The following PXDNL variants were observed in gnomAD, a reference collection of about 807,000 sequenced individuals.
The protein encoded by PXDNL is peroxidasin like, also known as probable oxidoreductase PXDNL.
Under a neutral mutation model 150.8 loss-of-function variants are expected in PXDNL, and 145 were observed. The ratio of observed to expected loss-of-function variants is 0.96; its 90% CI spans 0.84 to 1.10. The LOEUF is 1.10. PXDNL is among the 50% of genes least tolerant of loss of function. PXDNL has a pLI of 0.00. For missense variants in PXDNL, 2,087 were observed against 1,873.9 expected (o/e 1.11, Z -2.10); for synonymous variants, 757 against 725.7 (o/e 1.04, Z -0.69).
intron 1 of PXDNL, among the ~76,000 whole-genome samples, chr8:51,711,162 A>C (rs1477917379): frequency 1.3e-5 from 2 of 150,336 alleles, no homozygotes; most frequent in Non-Finnish European, 2.9e-5. Flanking sequence ...TATTTTTGAG[A>C]TAGAGTCTTG....
rs916326827 is a variant in PXDNL at position 51,444,114 on chromosome 8, T to TC, written c.1525+2889dup. Among the ~76,000 whole-genome samples, 108 of 152,300 alleles carry TC rather than the reference T, an allele frequency of 7.1e-4. 1 individual carries two copies. Among genetic ancestry groups the TC allele is most frequent in the African/African-American group, 2.4e-3 (100 of 41,572 alleles). ...AATAAAAGTAATATTTCCCCCTGTT[T>TC]CATCAATAACAGCATCAAGTAAAAT... On this transcript the variant is annotated intron_variant, in intron 12 of 22. Coordinates refer to ENST00000356297, the MANE Select transcript of PXDNL (RefSeq NM_144651.5).
chr8:51,398,232 G>A (rs1185533578), intron 17 of PXDNL, among the ~76,000 whole-genome samples: 1 of 152,206 alleles, frequency 6.6e-6, no homozygotes, highest in South Asian at 2.1e-4. Context: ...ACACTGCACA[G>A]GGCACTAGAA....
At chr8:51,476,858 TGGA>T (rs1810490326) in intron 6 of PXDNL, among the ~76,000 whole-genome samples, 1 of 152,186 alleles carries the variant, frequency 6.6e-6, no homozygotes, top group Non-Finnish European at 1.5e-5. Flanking sequence ...CCAATGTGAC[TGGA>T]GGAGAATACA....
Position 51,326,264 on chromosome 8 carries a change from G to A in PXDNL, c.4147-5367C>T, listed in dbSNP as rs916022798. On this transcript the variant is annotated intron_variant, in intron 21 of 22. Transcript: ENST00000356297. ...TGTAGTCCCAGCACTTTGGGAGGCT[G>A]AGGCAGGTGGATCACTTGAGGTCAG... Among the ~76,000 whole-genome samples the A allele has an allele frequency of 4.6e-5, 7 of 152,288 alleles. No individual in the cohort carries two copies. The East Asian group carries it at 1.4e-3, about 29-fold the overall frequency.
intron 1 of PXDNL, among the ~76,000 whole-genome samples, chr8:51,744,416 C>T (rs2036951650): frequency 6.7e-6 from 1 of 150,160 alleles, no homozygotes; most frequent in Admixed American, 6.6e-5. Context: ...ACCTGTAACC[C>T]CAACACTTTG....
chr8:51,344,854 T>G (rs1806095854), intron 20 of PXDNL, among the ~76,000 whole-genome samples: 1 of 152,176 alleles, frequency 6.6e-6, no homozygotes, highest in Non-Finnish European at 1.5e-5. Context: ...ATTTGGAAAT[T>G]TTATATAACA....
At chr8:51,740,748 G>C (rs1485276273) in intron 1 of PXDNL, among the ~76,000 whole-genome samples, 1 of 151,756 alleles carries the variant, frequency 6.6e-6, no homozygotes. Flanking sequence ...AGATGGATAT[G>C]TGATGAATTA....
intron 1 of PXDNL, among the ~76,000 whole-genome samples, chr8:51,771,849 A>G (rs1047003575): frequency 6.6e-6 from 1 of 151,960 alleles, no homozygotes; most frequent in African/African-American, 2.4e-5. Context: ...TTGATTCCAC[A>G]CCTCAGCTAC....
chr8:51,377,424 A>T (rs1807359460), intron 17 of PXDNL, among the ~76,000 whole-genome samples: 1 of 152,152 alleles, frequency 6.6e-6, no homozygotes, highest in South Asian at 2.1e-4. Flanking sequence ...GCCGTGCTTG[A>T]GGGGCCTTTC....
At chr8:51,518,007 A>G (rs1441717108) in intron 4 of PXDNL, among the ~76,000 whole-genome samples, 1 of 152,224 alleles carries the variant, frequency 6.6e-6, no homozygotes, top group Non-Finnish European at 1.5e-5. Flanking sequence ...TTATCTTCAT[A>G]TAATAGCAAG....
rs571653350 is a variant in PXDNL, at chr8:51,408,203, T to C, written c.3421A>G (p.Ile1141Val). The C allele has an allele frequency of 1.2e-5, 20 of 1,614,020 alleles. No homozygotes were observed. The highest frequency in any genetic ancestry group is 6.6e-5 in the South Asian group (6 of 91,086). The part of the protein sequence containing the change: ...YSAAVDSAAT[I>V]IQRGRDHGIP... ...CCGTGGTCTCTACCCCTTTGAATGA[T>C]GGTGGCAGCCGAATCCACGGCCGCA... The change falls in exon 17 of 23, where the codon ATC becomes GTC. Residue 1141 changes from isoleucine to valine, a missense_variant. Ile to Val is a conservative substitution (Grantham distance 29). Coordinates refer to ENST00000356297, the MANE Select transcript of PXDNL (RefSeq NM_144651.5).
At chr8:51,326,035 C>A (rs945850051) in intron 21 of PXDNL, among the ~76,000 whole-genome samples, 3 of 152,132 alleles carry the variant, frequency 2.0e-5, no homozygotes, top group Non-Finnish European at 4.4e-5. Context: ...TTGCTGGCTT[C>A]TTCAGTTTCA....
rs945127972 is a variant in PXDNL at position 51,588,270 on chromosome 8, C to G, written c.308+4357G>C. Among the ~76,000 whole-genome samples the G allele has an allele frequency of 5.3e-5, 8 of 152,320 alleles. No individual in the cohort carries two copies. The South Asian group carries it at 8.3e-4, about 16-fold the overall frequency. ...AATGGGTCTTCTAACTCACAACCCT[C>G]TTTCTCTACAAAATTCCCTGGTTTG... On this transcript the variant is annotated intron_variant, in intron 3 of 22. Transcript: ENST00000356297.
At chr8:51,797,352 G>A (rs980479358) in intron 1 of PXDNL, among the ~76,000 whole-genome samples, 2 of 152,214 alleles carry the variant, frequency 1.3e-5, no homozygotes, top group South Asian at 2.1e-4. Flanking sequence ...AGAAATAAAG[G>A]GTATTCAAAC....
At chr8:51,321,688 T>C (rs6987775) in intron 21 of PXDNL, among the ~76,000 whole-genome samples, 51,150 of 151,948 alleles carry the variant, frequency 0.34, 10,309 homozygotes, top group African/African-American at 0.56. Flanking sequence ...CCACCATGAT[T>C]GTAAGCTTCC....
At chr8:51,602,037 A>G (rs1234451000) in intron 2 of PXDNL, among the ~76,000 whole-genome samples, 5 of 151,950 alleles carry the variant, frequency 3.3e-5, no homozygotes, top group Non-Finnish European at 5.9e-5. Context: ...TTTAAGAATG[A>G]TGAAAATAGG....
At chr8:51,419,498 C>G (rs887235623) in intron 14 of PXDNL, among the ~76,000 whole-genome samples, 2 of 152,264 alleles carry the variant, frequency 1.3e-5, no homozygotes, top group South Asian at 4.2e-4. Flanking sequence ...AAAATCAATT[C>G]CAGTTATGGG....
At chr8:51,500,511 C>T (rs1811157510) in intron 4 of PXDNL, among the ~76,000 whole-genome samples, 1 of 152,190 alleles carries the variant, frequency 6.6e-6, no homozygotes, top group Non-Finnish European at 1.5e-5. Flanking sequence ...CTTTGTGAAG[C>T]AAATCTTCCC....
At chr8:51,779,118 T>C (rs976461123) in intron 1 of PXDNL, among the ~76,000 whole-genome samples, 1 of 151,766 alleles carries the variant, frequency 6.6e-6, no homozygotes, top group African/African-American at 2.4e-5. Context: ...GGGGGTAGAG[T>C]AGAAAAGATA....
Sources: gnomAD v4.1 joint callset for allele counts (sites outside exome capture counted in the v4.1 genomes callset) on GRCh38, gnomAD v4.1.1 for gene constraint, MANE v1.5 for transcripts, NCBI Gene and HGNC (gene_info 2026-07-23, HGNC 2026-07-21) for gene names.